Variants in LCP2 observed in about 807,000 individuals in gnomAD.
LCP2 encodes the protein 76 kDa tyrosine phosphoprotein.
A neutral mutation model predicts 74.5 loss-of-function variants in LCP2; 29 were observed. The ratio of observed to expected loss-of-function variants is 0.39; its 90% confidence interval spans 0.29 to 0.53. LCP2 has a LOEUF of 0.53. Ranked by LOEUF, LCP2 falls within the 20% of genes least tolerant of loss-of-function variation. The pLI is 0.72. For missense variants in LCP2, 604 were observed against 634.6 expected, an observed-to-expected ratio of 0.95 and a Z score of 0.52; for synonymous variants, 228 against 229.5, an observed-to-expected ratio of 0.99 and a Z score of 0.06.
intron 19 of LCP2, chr5:170,251,623 TTTCCTTTG>T (rs1458853972): frequency 1.1e-5 from 5 of 456,010 alleles, no homozygotes; most frequent in Non-Finnish European, 1.8e-5. Flanking sequence ...CAATAATGAC[TTTCCTTTG>T]TTCCTTTTAT....
At chr5:170,252,911 C>T (rs934199104) in intron 18 of LCP2, among the ~76,000 whole-genome samples, 11 of 152,274 alleles carry the variant, frequency 7.2e-5, no homozygotes, top group East Asian at 1.9e-4. Context: ...TAATGCAAAA[C>T]ACATGTTTGC....
rs1762029636 is a variant in LCP2 at position 170,277,721 on chromosome 5, G to A, written c.189-1861C>T. 2.2e-5 allele frequency among the ~76,000 whole-genome samples: 3 copies of A among 139,150 alleles called. No individual in the cohort carries two copies. In the South Asian group the frequency reaches 6.7e-4, roughly 31 times the overall value. 91.3% of individuals were successfully genotyped at this position (139,150 alleles called of 152,430 possible). ...ATCACGCCACTGCACTCCAGCCTGG[G>A]GACAGGAGCAAAACTTCGTCTCAAA... On this transcript the variant is annotated intron_variant, in intron 3 of 20. Transcript: ENST00000046794.
intron 1 of LCP2, among the ~76,000 whole-genome samples, chr5:170,295,540 G>A (rs1190277798): frequency 3.3e-5 from 5 of 152,190 alleles, no homozygotes; most frequent in Non-Finnish European, 7.4e-5. Flanking sequence ...GCAGAGCCAG[G>A]GTAAAGTGTG....
At chr5:170,285,401 T>G (rs1358715216) in intron 3 of LCP2, among the ~76,000 whole-genome samples, 1 of 152,260 alleles carries the variant, frequency 6.6e-6, no homozygotes, top group Non-Finnish European at 1.5e-5. Flanking sequence ...TGCTCATTTG[T>G]GTGCCTGTTA....
intron 6 of LCP2, among the ~76,000 whole-genome samples, chr5:170,271,904 T>C (rs971016082): frequency 2.0e-5 from 3 of 152,292 alleles, no homozygotes; most frequent in African/African-American, 7.2e-5. Context: ...TTTACGTTGT[T>C]CTGTTGAGAG....
chr5:170,288,111 G>T, intron 2 of LCP2, 95 bp from the exon 3 acceptor site: 2 of 1,292,106 alleles, frequency 1.5e-6, no homozygotes, highest in Non-Finnish European at 1.1e-6. Context: ...TATAGGGAGT[G>T]GTGGGGACTG....
chr5:170,285,372 G>C (rs1762167199), intron 3 of LCP2, among the ~76,000 whole-genome samples: 1 of 152,086 alleles, frequency 6.6e-6, no homozygotes, highest in South Asian at 2.1e-4. Flanking sequence ...TTTTCTCTTT[G>C]TTGTGGGTTA....
At chr5:170,271,041 TG>T in intron 6 of LCP2, 124 bp from the exon 7 acceptor site, 1 of 757,370 alleles carries the variant, frequency 1.3e-6, no homozygotes, top group Non-Finnish European at 2.1e-6. Context: ...AGCCTGAAGA[TG>T]GTTACTCCCA....
chr5:170,254,774 G>A (rs1761520218), intron 17 of LCP2, among the ~76,000 whole-genome samples: 1 of 152,198 alleles, frequency 6.6e-6, no homozygotes, highest in Admixed American at 6.5e-5. Flanking sequence ...AGTTACAACA[G>A]AGAAGCACAT....
chr5:170,290,988 GAA>G (rs1313308581), intron 2 of LCP2, among the ~76,000 whole-genome samples: 122 of 90,258 alleles, frequency 1.4e-3, no homozygotes, highest in African/African-American at 5.8e-3. Flanking sequence ...AAGAAAGAAA[GAA>G]AGAAAGAAAG....
chr5:170,272,597 CT>C (rs61463939), intron 6 of LCP2, among the ~76,000 whole-genome samples: 140 of 40,330 alleles, frequency 3.5e-3, no homozygotes, highest in East Asian at 5.1e-3. Context: ...CAAATATTTT[CT>C]TTTTTTTTTT....
rs377728331 is a variant in LCP2 at position 170,270,832 on chromosome 5, G to T, written c.410C>A (p.Ala137Glu). Reference sequence around the variant, plus strand: ...ATAATCCGCGTCATCTTCCACGGGTGCCTCTTCCTCCTCATTGGGGGACTC... The same window carrying T: ...ATAATCCGCGTCATCTTCCACGGGTTCCTCTTCCTCCTCATTGGGGGACTC... ...DYESPNEEEE[A>E]PVEDDADYEP... is the part of the protein sequence containing the mutation. The change falls in exon 7 of 21, where the codon GCA becomes GAA. Residue 137 changes from alanine (A) to glutamate (E), a missense_variant. Coordinates refer to ENST00000046794, the MANE Select transcript of LCP2 (RefSeq NM_005565.5). The T allele has an allele frequency of 2.1e-5, 34 of 1,611,878 alleles. No individual in the cohort carries two copies. The East Asian group carries it at 7.6e-4, about 36-fold the overall frequency.
intron 10 of LCP2, among the ~76,000 whole-genome samples, chr5:170,264,787 A>ATTTTTTTT (rs1197584508): frequency 6.6e-6 from 1 of 151,980 alleles, no homozygotes; most frequent in African/African-American, 2.4e-5. Context: ...TGACAGAGTG[A>ATTTTTTTT]GACCCTGACT....
At chr5:170,297,313 C>T (rs1339446260) in intron 1 of LCP2, among the ~76,000 whole-genome samples, 2 of 152,202 alleles carry the variant, frequency 1.3e-5, no homozygotes, top group Admixed American at 6.5e-5. Flanking sequence ...ATAATAGGCA[C>T]ATACTCATTT....
Position 170,248,364 on chromosome 5 carries a change from C to A in LCP2, c.*333G>T. The A allele has an allele frequency of 4.7e-6, 1 of 213,480 alleles. No homozygotes were observed. Among genetic ancestry groups the A allele is most frequent in the South Asian group, 6.1e-5 (1 of 16,320 alleles). 13.2% of individuals were successfully genotyped at this position (213,480 alleles called of 1,614,324 possible). On this transcript the variant is annotated 3_prime_UTR_variant, in exon 21 of 21. Coordinates refer to ENST00000046794, the MANE Select transcript of LCP2 (RefSeq NM_005565.5). ...CTATTACTGTTTCAGTGTTTTAAAA[C>A]TTGCCCCAAATTGTTTCTGTAGCTG...
rs768931109 is a variant in LCP2 at position 170,267,069 on chromosome 5, G to A, written c.628C>T (p.Pro210Ser). 9.9e-6 allele frequency: 16 copies of A among 1,613,778 alleles called. No individual in the cohort carries two copies. In the South Asian group the frequency reaches 1.5e-4, roughly 16 times the overall value. The change falls in exon 9 of 21, where the codon CCC becomes TCC. Residue 210 changes from proline to serine, a missense_variant. Coordinates refer to ENST00000046794, the MANE Select transcript of LCP2 (RefSeq NM_005565.5). Reference sequence around the variant, plus strand: ...TCTTCGTGGTTGGTCTGGGGTGGGGGCAGTGGCTGCATAAAGATCCAAACG... The same window carrying A: ...TCTTCGTGGTTGGTCTGGGGTGGGGACAGTGGCTGCATAAAGATCCAAACG... ...PPAGRNHSPL[P>S]PPQTNHEEPS...
At chr5:170,287,882 G>T in intron 3 of LCP2, 88 bp downstream of exon 3, 1 of 1,202,478 alleles carries the variant, frequency 8.3e-7, no homozygotes, top group Non-Finnish European at 1.2e-6. Flanking sequence ...AGCCGACAAT[G>T]ACATAGAACT....
chr5:170,280,805 C>T (rs550867732), intron 3 of LCP2, among the ~76,000 whole-genome samples: 5 of 152,162 alleles, frequency 3.3e-5, no homozygotes, highest in Admixed American at 6.5e-5. Flanking sequence ...GTCAGGAGTT[C>T]GAGACCAGCC....
Position 170,248,455 on chromosome 5 carries a change from C to A in LCP2, c.*242G>T. 2.5e-6 allele frequency: 1 copy of A among 394,290 alleles called. No homozygotes were observed. The allele number at this position is 394,290 out of a possible 1,614,324, so 24.4% of individuals were successfully genotyped here. A position where few individuals can be genotyped will look rare whatever the true frequency, so the allele number is the denominator to read the frequency against. On this transcript the variant is annotated 3_prime_UTR_variant, in exon 21 of 21. Coordinates refer to ENST00000046794, the MANE Select transcript of LCP2 (RefSeq NM_005565.5). ...TTAAAAAATGAATTATTACAGTGCA[C>A]TACTAGACTTCAAGTGTGAACATGA... is the stretch of plus-strand genomic sequence containing the variant.
Sources: allele counts gnomAD v4.1 joint callset (sites outside exome capture counted in the v4.1 genomes callset), GRCh38; gene constraint gnomAD v4.1.1; transcripts MANE v1.5; gene names NCBI Gene and HGNC (gene_info 2026-07-23, HGNC 2026-07-21).